Variants in PEX1 observed in about 807,000 individuals in gnomAD.
PEX1 encodes the protein peroxisomal biogenesis factor 1.
Under a neutral mutation model 152.5 loss-of-function variants are expected in PEX1, and 97 were observed. That is an observed-to-expected ratio of 0.64 (90% CI 0.54 to 0.75). The LOEUF is 0.75. PEX1 is among the 30% of genes least tolerant of loss of function. PEX1 has a pLI of 0.00. For missense variants in PEX1, 1,357 were observed against 1,516.3 expected, an observed-to-expected ratio of 0.89 and a Z score of 1.74; for synonymous variants, 485 against 531.6, an observed-to-expected ratio of 0.91 and a Z score of 1.21.
chr7:92,492,934 AC>A lies in PEX1; in HGVS notation c.3207+18del. The A allele has an allele frequency of 6.3e-7, 1 of 1,596,112 alleles. No individual in the cohort carries two copies. The highest frequency in any genetic ancestry group is 1.1e-5 in the South Asian group (1 of 90,690). On this transcript the variant is annotated intron_variant, in intron 20 of 23. Coordinates refer to ENST00000248633, the MANE Select transcript of PEX1 (RefSeq NM_000466.3). ...TTATCACTCATAAAATGTCATAACA[AC>A]TTCCTCATATAACTTGCCTGGAGTC...
intron 2 of PEX1, among the ~76,000 whole-genome samples, chr7:92,521,613 T>C (rs1471355651): frequency 2.6e-5 from 4 of 152,040 alleles, no homozygotes; most frequent in African/African-American, 9.7e-5. Context: ...TTTTGAATTT[T>C]TAGTAGAGAG....
chr7:92,489,745 A>G lies in PEX1; in HGVS notation c.3605T>C (p.Ile1202Thr). Residue 1202 changes from isoleucine (I) to threonine (T), a missense_variant, in exon 22 of 24, where the codon ATT (isoleucine) becomes ACT (threonine). Coordinates refer to ENST00000248633, the MANE Select transcript of PEX1 (RefSeq NM_000466.3). ...QRDQLRADISIIKGRYRSQSG... is the reference protein window; with the variant it reads ...QRDQLRADISTIKGRYRSQSG... ...TTGGCTCCGGTATCTGCCTTTGATAATACTGATATCTGCCCTCAGTTGATC... is the reference window on the plus strand; with the variant it reads ...TTGGCTCCGGTATCTGCCTTTGATAGTACTGATATCTGCCCTCAGTTGATC... 6.2e-7 allele frequency: 1 copy of G among 1,614,194 alleles called. No individual in the cohort carries two copies. Among genetic ancestry groups the G allele is most frequent in the Middle Eastern group, 1.6e-4 (1 of 6,062 alleles).
Position 92,506,986 on chromosome 7 carries a change from C to T in PEX1, c.1803+8G>A. 6.2e-7 allele frequency: 1 copy of T among 1,613,834 alleles called. No homozygotes were observed. The highest frequency in any genetic ancestry group is 8.5e-7 in the Non-Finnish European group (1 of 1,179,788). ...TTACAGAAAAATGAACACACCTTAA[C>T]CACTTACCTTTCCTCCTGTGAGTAA... On this transcript the variant is annotated splice_region_variant and intron_variant, in intron 10 of 23. Transcript: ENST00000248633.
In PEX1 at chr7:92,487,486, G is replaced by A. The variant is rs755549316; in HGVS notation, c.3823C>T (p.Arg1275Ter). Residue 1275 changes from arginine to a stop codon, truncating the protein, a stop_gained, in exon 24 of 24, where the codon CGA becomes TGA. Coordinates refer to ENST00000248633, the MANE Select transcript of PEX1 (RefSeq NM_000466.3). LOFTEE classifies it high-confidence loss of function. ...GCTAAAGTTACTTTCTGTCCAGGTC[G>A]AAACATTGTTCCACTTTGATTTTTT... Reference protein sequence around the residue: ...RRKNQSGTMFRPGQKVTLA With the variant: ...RRKNQSGTMF The A allele has an allele frequency of 5.0e-6, 8 of 1,594,348 alleles. No homozygotes were observed. Among genetic ancestry groups the A allele is most frequent in the Admixed American group, 1.7e-5 (1 of 59,298 alleles).
At position 92,502,023 on chromosome 7, in the gene PEX1, T is replaced by C. The variant is rs777608023; in HGVS notation, c.2283A>G (p.Ile761Met). Residue 761 changes from isoleucine to methionine, a missense_variant, in exon 14 of 24, where the codon ATA (isoleucine) becomes ATG (methionine). Ile to Met is a conservative substitution (Grantham distance 10). Transcript: ENST00000248633. ...GCAGGTCAAGATCGGTGAACTTGTTTATATCACAGTCCAATTTATTTTTTA... is the reference window on the plus strand; with the variant it reads ...GCAGGTCAAGATCGGTGAACTTGTTCATATCACAGTCCAATTTATTTTTTA... Reference protein sequence around the residue: ...NVIKNKLDCDINKFTDLDLQH... With the variant: ...NVIKNKLDCDMNKFTDLDLQH... The C allele has an allele frequency of 6.2e-7, 1 of 1,613,080 alleles. No individual in the cohort carries two copies. Among genetic ancestry groups the C allele is most frequent in the Non-Finnish European group, 8.5e-7 (1 of 1,179,032 alleles).
At chr7:92,497,955 C>G (rs1166317783) in intron 16 of PEX1, among the ~76,000 whole-genome samples, 1 of 150,780 alleles carries the variant, frequency 6.6e-6, no homozygotes, top group Non-Finnish European at 1.5e-5. Flanking sequence ...GTAATCCCAG[C>G]TACTCGGGAG....
chr7:92,488,098 A>C (rs1256372549), intron 23 of PEX1, among the ~76,000 whole-genome samples: 3 of 152,232 alleles, frequency 2.0e-5, no homozygotes, highest in African/African-American at 7.2e-5. Context: ...TGGCATAGCT[A>C]CACTATAAAA....
chr7:92,519,222 A>AG, intron 2 of PEX1, 144 bp from the exon 3 acceptor site: 1 of 623,722 alleles, frequency 1.6e-6, no homozygotes, highest in Middle Eastern at 4.3e-4. Flanking sequence ...TAGTCTATGT[A>AG]ATCTTTCTTT....
intron 5 of PEX1, among the ~76,000 whole-genome samples, 162 bp from the exon 6 acceptor site, chr7:92,514,129 C>T (rs1792611835): frequency 6.6e-6 from 1 of 152,162 alleles, no homozygotes; most frequent in Non-Finnish European, 1.5e-5. Flanking sequence ...GCTGCTATAT[C>T]AAAATATCCT....
rs373490059 is a variant in PEX1, at chr7:92,488,688, T to C, written c.3767+605A>G. Among the ~76,000 whole-genome samples, 463 of 152,290 alleles carry C rather than the reference T, an allele frequency of 3.0e-3. 2 individuals are homozygous for C. The highest frequency in any genetic ancestry group is 0.028 in the South Asian group (135 of 4,828). ...TATAAACTATACATTAGAATCACTTTCAACTTTTAATTTTCCTTCTTATTT... is the reference window on the plus strand; with the variant it reads ...TATAAACTATACATTAGAATCACTTCCAACTTTTAATTTTCCTTCTTATTT... On this transcript the variant is annotated intron_variant, in intron 23 of 23. Coordinates refer to ENST00000248633, the MANE Select transcript of PEX1 (RefSeq NM_000466.3).
chr7:92,517,699 T>G lies in PEX1; in HGVS notation c.816A>C (p.Ala272=). ...CAACCTTTGACTGCATATTTTTGAA[T>G]GCATTGATTTCAGTTAAACCCCAAG... ...ETSWGLTEIN[A]FKNMQSKVVP... Residue 272 remains alanine (A), a synonymous_variant, in exon 5 of 24, where the codon GCA becomes GCC. Transcript: ENST00000248633. 6.2e-7 allele frequency: 1 copy of G among 1,613,612 alleles called. No individual in the cohort carries two copies. Among genetic ancestry groups the G allele is most frequent in the South Asian group, 1.1e-5 (1 of 91,046 alleles).
Position 92,528,357 on chromosome 7 carries a change from A to G in PEX1, c.79T>C (p.Cys27Arg), listed in dbSNP as rs757374933. The change falls in exon 1 of 24, where the codon TGC becomes CGC. Residue 27 changes from cysteine (C) to arginine (R), a missense_variant. Coordinates refer to ENST00000248633, the MANE Select transcript of PEX1 (RefSeq NM_000466.3). ...VTVAFTNARD[C>R]FLHLPRRLVA... The stretch of plus-strand genomic sequence containing the variant: ...AGACGCCGCGGCAGGTGGAGGAAGC[A>G]GTCGCGAGCGTTGGTGAAGGCCACA... 1 of 1,582,628 alleles carries G rather than the reference A, an allele frequency of 6.3e-7. No homozygotes were observed. Among genetic ancestry groups the G allele is most frequent in the Non-Finnish European group, 8.6e-7 (1 of 1,166,348 alleles).
At chr7:92,500,116 T>C (rs1791855085) in intron 15 of PEX1, among the ~76,000 whole-genome samples, 1 of 152,236 alleles carries the variant, frequency 6.6e-6, no homozygotes, top group South Asian at 2.1e-4. Context: ...TTATTAAAAG[T>C]ACTACATTTA....
At chr7:92,519,109 T>C (rs1792939676) in intron 2 of PEX1, 31 bp from the exon 3 acceptor site, 1 of 1,266,228 alleles carries the variant, frequency 7.9e-7, no homozygotes, top group East Asian at 2.3e-5. Flanking sequence ...AAAACTACTT[T>C]AAAAAAACTT....
rs761519653 is a variant in PEX1 at position 92,528,298 on chromosome 7, G to A, written c.129+9C>T. 9 of 1,553,530 alleles carry A rather than the reference G, an allele frequency of 5.8e-6. No homozygotes were observed. Among genetic ancestry groups the A allele is most frequent in the Admixed American group, 1.9e-5 (1 of 51,340 alleles). ...CTGAAGATCAGGTGGCTCGGGGCCG[G>A]CAGGTTACCTGCAGCAGATGCAGCT... On this transcript the variant is annotated intron_variant, in intron 1 of 23. Transcript: ENST00000248633.
At chr7:92,497,526 C>A (rs1301214699) in intron 16 of PEX1, among the ~76,000 whole-genome samples, 3 of 151,114 alleles carry the variant, frequency 2.0e-5, no homozygotes, top group Non-Finnish European at 4.4e-5. Flanking sequence ...AATTTCCCTG[C>A]ATATAGCAAA....
chr7:92,518,922 A>G (rs2116252680), intron 3 of PEX1, 73 bp downstream of exon 3: 2 of 1,072,796 alleles, frequency 1.9e-6, no homozygotes, highest in East Asian at 2.4e-5. Context: ...TAAAGCTTAG[A>G]GAAAGCTAAA....
In PEX1 at chr7:92,522,002, C is replaced by G. The variant is rs150252318; in HGVS notation, c.273+100G>C. The G allele has an allele frequency of 1.3e-3, 1,474 of 1,143,838 alleles. 20 individuals are homozygous for G. In the African/African-American group the frequency reaches 0.021, roughly 16 times the overall value. 70.9% of individuals were successfully genotyped at this position (1,143,838 alleles called of 1,614,324 possible). Reference sequence around the variant, plus strand: ...ACATAATAGCATACAAATTAGGTGACATCTCACCTCCTTTAACAAAAAATC... The same window carrying G: ...ACATAATAGCATACAAATTAGGTGAGATCTCACCTCCTTTAACAAAAAATC... On this transcript the variant is annotated intron_variant, in intron 2 of 23. Transcript: ENST00000248633.
At chr7:92,506,557 G>T (rs1832871316) in intron 10 of PEX1, 5 of 568,948 alleles carry the variant, frequency 8.8e-6, no homozygotes, top group Non-Finnish European at 1.6e-5. Flanking sequence ...ACAGAAAACT[G>T]CAAACTAATC....
Sources: gnomAD v4.1 joint callset for allele counts (sites outside exome capture counted in the v4.1 genomes callset) on GRCh38, gnomAD v4.1.1 for gene constraint, MANE v1.5 for transcripts, NCBI Gene and HGNC (gene_info 2026-07-23, HGNC 2026-07-21) for gene names.